MBD5: variants seen among roughly 807,000 people sequenced by gnomAD.
MBD5 encodes methyl-CpG-binding domain protein 5.
In MBD5, 13 loss-of-function variants were observed where a neutral mutation model predicts 117.3. The observed-to-expected ratio is 0.11, with a 90% CI of 0.07 to 0.18. The LOEUF (loss-of-function observed/expected upper bound fraction) is 0.18. MBD5 is among the 10% of genes least tolerant of loss of function. The probability of loss-of-function intolerance (pLI) is 1.00; values close to 1 mark genes in which losing one functional copy is unlikely to be tolerated. For synonymous variants in MBD5, 727 were observed against 766.4 expected (o/e 0.95, Z 0.85); for missense variants, 1,879 against 2,093.8 (o/e 0.90, Z 2.00).
At chr2:148,449,068 T>C (rs1004684208) in intron 4 of MBD5, among the ~76,000 whole-genome samples, 9 of 152,166 alleles carry the variant, frequency 5.9e-5, no homozygotes, top group African/African-American at 1.9e-4. Flanking sequence ...GTTTTGTTCA[T>C]AGATGTTCTG....
At chr2:148,168,108 A>G (rs1371072115) in intron 1 of MBD5, among the ~76,000 whole-genome samples, 2 of 152,186 alleles carry the variant, frequency 1.3e-5, no homozygotes, top group Non-Finnish European at 2.9e-5. Flanking sequence ...GTTTGCTCCT[A>G]CAAGTTCTAG....
intron 4 of MBD5, among the ~76,000 whole-genome samples, chr2:148,445,723 C>G (rs2105436011): frequency 6.6e-6 from 1 of 151,516 alleles, no homozygotes; most frequent in East Asian, 1.9e-4. Flanking sequence ...CCGACTTCCA[C>G]AATGGTTGAA....
intron 1 of MBD5, among the ~76,000 whole-genome samples, chr2:148,034,976 C>T (rs956083098): frequency 6.6e-5 from 10 of 152,158 alleles, no homozygotes; most frequent in Admixed American, 1.3e-4. Context: ...AATATAGAAC[C>T]TTTAACGAGC....
At chr2:148,484,414 C>T (rs1184546179) in intron 9 of MBD5, among the ~76,000 whole-genome samples, 4 of 152,120 alleles carry the variant, frequency 2.6e-5, no homozygotes, top group Non-Finnish European at 2.9e-5. Flanking sequence ...CTACCCATCA[C>T]CTCTTAAACC....
intron 4 of MBD5, among the ~76,000 whole-genome samples, chr2:148,370,227 A>G (rs1397417750): frequency 6.6e-6 from 1 of 152,198 alleles, no homozygotes; most frequent in Admixed American, 6.5e-5. Flanking sequence ...TTATCAAAAT[A>G]TCCTCAATTT....
chr2:148,029,252 T>C (rs1573928868), intron 1 of MBD5, among the ~76,000 whole-genome samples: 4 of 152,118 alleles, frequency 2.6e-5, no homozygotes, highest in East Asian at 3.9e-4. Flanking sequence ...AGAAGTAATA[T>C]AGTCTTTTCC....
intron 2 of MBD5, among the ~76,000 whole-genome samples, chr2:148,232,993 G>A (rs1700025448): frequency 6.6e-6 from 1 of 152,012 alleles, no homozygotes; most frequent in Admixed American, 6.6e-5. Context: ...TGACTATAAC[G>A]TTGTTTATTT....
At chr2:148,464,359 A>G (rs1466273034) in intron 7 of MBD5, among the ~76,000 whole-genome samples, 3 of 152,042 alleles carry the variant, frequency 2.0e-5, no homozygotes, top group Non-Finnish European at 4.4e-5. Flanking sequence ...TTATATCTCC[A>G]CCACCACACA....
Position 148,410,091 on chromosome 2 carries a change from A to G in MBD5, c.-556-48112A>G, listed in dbSNP as rs1056324361. Among the ~76,000 whole-genome samples the G allele has an allele frequency of 3.9e-5, 6 of 152,176 alleles. No homozygotes were observed. In the East Asian group the frequency reaches 9.6e-4, roughly 24 times the overall value. ...AATTGTTCTTCCAAAGGATATGCAC[A>G]TTTAAAATTCTTGTAGATAATGATA... On this transcript the variant is annotated intron_variant, in intron 4 of 13. Transcript: ENST00000642680.
intron 2 of MBD5, among the ~76,000 whole-genome samples, chr2:148,213,225 T>C (rs1245330328): frequency 2.6e-5 from 4 of 152,212 alleles, no homozygotes; most frequent in African/African-American, 7.2e-5. Flanking sequence ...TTTAGTATAG[T>C]GTTCCTCAAT....
rs72105542 is a variant in MBD5, at chr2:148,102,700, TCA to T, written c.-924-75971_-924-75970del. Among the ~76,000 whole-genome samples the T allele has an allele frequency of 5.5e-3, 724 of 131,858 alleles. 8 individuals are homozygous for T. The highest frequency in any genetic ancestry group is 0.045 in the East Asian group (200 of 4,462). 86.5% of individuals were successfully genotyped at this position (131,858 alleles called of 152,430 possible). A position where few individuals can be genotyped will look rare whatever the true frequency, so the allele number is the denominator to read the frequency against. Reference sequence around the variant, plus strand: ...ACACACACACAGAGAGAGAGAGAGATCACACACACACACACACACACACACAC... The same window carrying T: ...ACACACACACAGAGAGAGAGAGAGATCACACACACACACACACACACACAC... On this transcript the variant is annotated intron_variant, in intron 1 of 13. Coordinates refer to ENST00000642680, the MANE Select transcript of MBD5 (RefSeq NM_001378120.1).
In MBD5 at chr2:148,485,592, C is replaced by G. The variant is rs1040675672; in HGVS notation, c.3545-150C>G. ...TAATAAAGCTACTCTTTCCTTACCACTTAGTAAGACTTTGAGAAGTAAAAA... is the reference window on the plus strand; with the variant it reads ...TAATAAAGCTACTCTTTCCTTACCAGTTAGTAAGACTTTGAGAAGTAAAAA... On this transcript the variant is annotated intron_variant, in intron 9 of 13. Coordinates refer to ENST00000642680, the MANE Select transcript of MBD5 (RefSeq NM_001378120.1). The G allele has an allele frequency of 7.8e-5, 51 of 654,240 alleles. 1 individual carries two copies. In the Middle Eastern group the frequency reaches 1.7e-3, roughly 21 times the overall value. 40.5% of individuals were successfully genotyped at this position (654,240 alleles called of 1,614,324 possible).
At chr2:148,390,951 T>A (rs924616529) in intron 4 of MBD5, among the ~76,000 whole-genome samples, 2 of 152,208 alleles carry the variant, frequency 1.3e-5, no homozygotes, top group African/African-American at 4.8e-5. Context: ...ATAATATTAA[T>A]CCCTTTTGGA....
chr2:148,355,071 T>C (rs1187329902), intron 4 of MBD5, among the ~76,000 whole-genome samples: 2 of 152,200 alleles, frequency 1.3e-5, no homozygotes, highest in Admixed American at 1.3e-4. Context: ...AAATGTCTTC[T>C]TTTGAGAAGT....
chr2:148,242,015 T>C (rs556172374), intron 3 of MBD5, among the ~76,000 whole-genome samples: 1 of 152,338 alleles, frequency 6.6e-6, no homozygotes, highest in East Asian at 1.9e-4. Context: ...ATCATTAGTG[T>C]AGTCACTTTG....
intron 2 of MBD5, among the ~76,000 whole-genome samples, chr2:148,195,794 T>C (rs973192771): frequency 6.6e-6 from 1 of 152,154 alleles, no homozygotes; most frequent in Non-Finnish European, 1.5e-5. Context: ...TCTAAACTTA[T>C]GCGTCAAGAA....
chr2:148,106,618 C>A (rs1342680276), intron 1 of MBD5, among the ~76,000 whole-genome samples: 6 of 151,428 alleles, frequency 4.0e-5, no homozygotes, highest in Non-Finnish European at 1.5e-5. Flanking sequence ...TTATTTTTTA[C>A]TTTTTTCTCC....
intron 3 of MBD5, among the ~76,000 whole-genome samples, chr2:148,323,132 G>A (rs533419767): frequency 5.8e-4 from 88 of 151,968 alleles, no homozygotes; most frequent in African/African-American, 2.0e-3. Context: ...TACTGAGAAT[G>A]ATGATTTCCA....
intron 4 of MBD5, among the ~76,000 whole-genome samples, chr2:148,353,230 G>T (rs1283038962): frequency 6.6e-6 from 1 of 152,052 alleles, no homozygotes; most frequent in Non-Finnish European, 1.5e-5. Context: ...TTTTATAGAG[G>T]TTGTATTTGG....
Sources: allele counts gnomAD v4.1 joint callset (sites outside exome capture counted in the v4.1 genomes callset), GRCh38; gene constraint gnomAD v4.1.1; transcripts MANE v1.5; gene names NCBI Gene and HGNC (gene_info 2026-07-23, HGNC 2026-07-21).